The following KPNA5 variants were observed in gnomAD, a reference collection of about 807,000 sequenced individuals.
KPNA5 encodes karyopherin subunit alpha 5.
Under a neutral mutation model 71.3 loss-of-function variants are expected in KPNA5, and 46 were observed. The ratio of observed to expected loss-of-function variants is 0.65; its 90% CI spans 0.51 to 0.83. The LOEUF (loss-of-function observed/expected upper bound fraction) is 0.83. Ranked by LOEUF, KPNA5 falls within the 40% of genes least tolerant of loss-of-function variation. The probability of loss-of-function intolerance (pLI) is 0.00; values close to 1 mark genes in which losing one functional copy is unlikely to be tolerated. For missense variants in KPNA5, 547 were observed against 628.3 expected, an observed-to-expected ratio of 0.87 and a Z score of 1.38; for synonymous variants, 207 against 201.4, an observed-to-expected ratio of 1.03 and a Z score of -0.24.
chr6:116,694,119 A>G (rs1583408415), intron 4 of KPNA5, among the ~76,000 whole-genome samples: 1 of 152,214 alleles, frequency 6.6e-6, no homozygotes, highest in African/African-American at 2.4e-5. Context: ...TACCAGTACC[A>G]TGCTGTTTTA....
chr6:116,685,111 C>T (rs1004717697), intron 1 of KPNA5, among the ~76,000 whole-genome samples: 3 of 152,032 alleles, frequency 2.0e-5, no homozygotes, highest in African/African-American at 7.2e-5. Flanking sequence ...TTCATAACCT[C>T]CAAAAACTAG....
rs1179159025 is a variant in KPNA5, at chr6:116,740,900, C to A, written c.*8577C>A. 2 of 151,388 alleles carry A rather than the reference C, an allele frequency of 1.3e-5. No individual in the cohort carries two copies. The highest frequency in any genetic ancestry group is 6.6e-5 in the Admixed American group (1 of 15,164). The allele number at this position is 151,388 out of a possible 1,614,324, so 9.4% of individuals were successfully genotyped here. A position where few individuals can be genotyped will look rare whatever the true frequency, so the allele number is the denominator to read the frequency against. On this transcript the variant is annotated 3_prime_UTR_variant, in exon 14 of 14. Coordinates refer to ENST00000368564, the MANE Select transcript of KPNA5 (RefSeq NM_001366306.2). ...AGGAGATATACCTAATGCTAAATGA[C>A]GAGTTAATGGGTGCAGCACACCAAC... is the stretch of plus-strand genomic sequence containing the variant.
rs756145416 is a variant in KPNA5 at position 116,722,103 on chromosome 6, A to G, written c.757-23A>G. The G allele has an allele frequency of 5.5e-6, 8 of 1,457,030 alleles. No individual in the cohort carries two copies. In the South Asian group the frequency reaches 1.3e-4, roughly 24 times the overall value. 90.3% of individuals were successfully genotyped at this position (1,457,030 alleles called of 1,614,324 possible). On this transcript the variant is annotated intron_variant, in intron 8 of 13. Transcript: ENST00000368564. ...GGTTTTAAATAGAGAAAAAATTTAAATATGCTCTTTCTTCCCTTACAGGTT... is the reference window on the plus strand; with the variant it reads ...GGTTTTAAATAGAGAAAAAATTTAAGTATGCTCTTTCTTCCCTTACAGGTT...
chr6:116,698,430 G>T (rs1778108594), intron 4 of KPNA5, among the ~76,000 whole-genome samples: 2 of 151,950 alleles, frequency 1.3e-5, no homozygotes, highest in South Asian at 4.1e-4. Flanking sequence ...TTAAAGGTGT[G>T]CTCAATAGCC....
chr6:116,741,431 A>G lies in KPNA5; in HGVS notation c.*9108A>G, dbSNP rs1373254092. On this transcript the variant is annotated 3_prime_UTR_variant, in exon 14 of 14. Transcript: ENST00000368564. ...ACAGAACAATAGTTGACATTTTCAGAGTACTTGTTAAGTGAATTTTAACAA... is the reference window on the plus strand; with the variant it reads ...ACAGAACAATAGTTGACATTTTCAGGGTACTTGTTAAGTGAATTTTAACAA... 6.6e-6 allele frequency: 1 copy of G among 152,150 alleles called. No individual in the cohort carries two copies. The highest frequency in any genetic ancestry group is 1.5e-5 in the Non-Finnish European group (1 of 68,020). The allele number at this position is 152,150 out of a possible 1,614,324, so 9.4% of individuals were successfully genotyped here.
At chr6:116,719,271 G>T (rs1308908481) in intron 8 of KPNA5, among the ~76,000 whole-genome samples, 3 of 151,644 alleles carry the variant, frequency 2.0e-5, no homozygotes, top group African/African-American at 7.3e-5. Context: ...TTTTTGTTTT[G>T]TTTGTGGTTT....
chr6:116,721,327 T>C (rs978646797), intron 8 of KPNA5, among the ~76,000 whole-genome samples: 2 of 152,064 alleles, frequency 1.3e-5, no homozygotes, highest in African/African-American at 4.8e-5. Flanking sequence ...TTTTTTTTTG[T>C]TTTTTAGTAG....
In KPNA5 at chr6:116,710,899, T is replaced by A. The variant is rs1469411303; in HGVS notation, c.657-5320T>A. ...TATATATATATATATATATATTTTTTTTTTTTTTTTTTTGAGTTGGAGTCT... is the reference window on the plus strand; with the variant it reads ...TATATATATATATATATATATTTTTATTTTTTTTTTTTTGAGTTGGAGTCT... On this transcript the variant is annotated intron_variant, in intron 7 of 13. Coordinates refer to ENST00000368564, the MANE Select transcript of KPNA5 (RefSeq NM_001366306.2). Among the ~76,000 whole-genome samples the A allele has an allele frequency of 5.7e-3, 372 of 65,026 alleles. 4 individuals carry two copies. Among genetic ancestry groups the A allele is most frequent in the South Asian group, 7.0e-3 (14 of 1,986 alleles). 42.7% of individuals were successfully genotyped at this position (65,026 alleles called of 152,430 possible). A position where few individuals can be genotyped will look rare whatever the true frequency, so the allele number is the denominator to read the frequency against.
rs1310697069 is a variant in KPNA5, at chr6:116,733,253, G to A, written c.*930G>A. 6.7e-6 allele frequency: 1 copy of A among 149,576 alleles called. No homozygotes were observed. The highest frequency in any genetic ancestry group is 1.5e-5 in the Non-Finnish European group (1 of 66,990). The allele number at this position is 149,576 out of a possible 1,614,324, so 9.3% of individuals were successfully genotyped here. A position where few individuals can be genotyped will look rare whatever the true frequency, so the allele number is the denominator to read the frequency against. On this transcript the variant is annotated 3_prime_UTR_variant, in exon 14 of 14. Coordinates refer to ENST00000368564, the MANE Select transcript of KPNA5 (RefSeq NM_001366306.2). ...CAGTAATTGAAAAGTTTCATTTTCT[G>A]TATAATAGTACTAGTTTAAGTTTAA...
chr6:116,722,395 A>G, intron 9 of KPNA5, 106 bp downstream of exon 9: 1 of 965,370 alleles, frequency 1.0e-6, no homozygotes, highest in Non-Finnish European at 1.4e-6. Flanking sequence ...TTCAGGGAAA[A>G]TTAAAAAGCT....
chr6:116,695,947 T>A (rs1778011438), intron 4 of KPNA5, among the ~76,000 whole-genome samples: 1 of 152,198 alleles, frequency 6.6e-6, no homozygotes, highest in Non-Finnish European at 1.5e-5. Context: ...CTTGATTCAT[T>A]TTTTATTAGA....
At chr6:116,696,041 G>T (rs1264741023) in intron 4 of KPNA5, among the ~76,000 whole-genome samples, 1 of 151,956 alleles carries the variant, frequency 6.6e-6, no homozygotes. Flanking sequence ...GCCTTTATAT[G>T]TCTAAATACT....
At chr6:116,698,574 C>A in intron 4 of KPNA5, 130 bp from the exon 5 acceptor site, 3 of 582,402 alleles carry the variant, frequency 5.2e-6, no homozygotes, top group East Asian at 3.5e-5. Flanking sequence ...TTACATCTAG[C>A]TAAGGGTTTT....
intron 4 of KPNA5, among the ~76,000 whole-genome samples, chr6:116,692,754 C>CT (rs1194398453): frequency 5.3e-5 from 8 of 151,284 alleles, no homozygotes; most frequent in Admixed American, 1.3e-4. Context: ...TTTTGTTATA[C>CT]TTTAAGTTTT....
At chr6:116,695,323 T>G (rs1777983064) in intron 4 of KPNA5, among the ~76,000 whole-genome samples, 1 of 152,234 alleles carries the variant, frequency 6.6e-6, no homozygotes, top group Non-Finnish European at 1.5e-5. Flanking sequence ...TTTGCCTTAT[T>G]TATTGGTTCT....
At chr6:116,717,998 G>A (rs1778955134) in intron 8 of KPNA5, among the ~76,000 whole-genome samples, 1 of 152,128 alleles carries the variant, frequency 6.6e-6, no homozygotes, top group Non-Finnish European at 1.5e-5. Context: ...TGCAGCAGGT[G>A]AGGATCATCA....
In KPNA5 at chr6:116,716,322, T is replaced by G; in HGVS notation, c.756+4T>G. 1 of 1,559,184 alleles carries G rather than the reference T, an allele frequency of 6.4e-7. No individual in the cohort carries two copies. The highest frequency in any genetic ancestry group is 8.8e-7 in the Non-Finnish European group (1 of 1,132,820). ...CCCTCCTCCAAACTTTAGTAAGGTA[T>G]GAGTAAAATACACAAATTAAAATAT... On this transcript the variant is annotated splice_donor_region_variant and intron_variant, in intron 8 of 13. Coordinates refer to ENST00000368564, the MANE Select transcript of KPNA5 (RefSeq NM_001366306.2).
intron 1 of KPNA5, among the ~76,000 whole-genome samples, chr6:116,687,148 C>T (rs1777621326): frequency 6.6e-6 from 1 of 152,192 alleles, no homozygotes; most frequent in African/African-American, 2.4e-5. Context: ...GATATTGATT[C>T]TTCCTATCCA....
At chr6:116,713,491 CTT>C (rs1008283212) in intron 7 of KPNA5, among the ~76,000 whole-genome samples, 4 of 152,114 alleles carry the variant, frequency 2.6e-5, no homozygotes, top group Non-Finnish European at 5.9e-5. Flanking sequence ...AAGATTCTGT[CTT>C]TGTCTTTTGA....
Sources: allele counts gnomAD v4.1 joint callset (sites outside exome capture counted in the v4.1 genomes callset), GRCh38; gene constraint gnomAD v4.1.1; transcripts MANE v1.5; gene names NCBI Gene and HGNC (gene_info 2026-07-23, HGNC 2026-07-21).